BLOC1S2: variants seen among roughly 807,000 people sequenced by gnomAD.
BLOC1S2 encodes the protein biogenesis of lysosome-related organelles complex 1 subunit 2.
Under a neutral mutation model 19.6 loss-of-function variants are expected in BLOC1S2, and 12 were observed. The ratio of observed to expected loss-of-function variants is 0.61; its 90% CI spans 0.39 to 0.99. The LOEUF (loss-of-function observed/expected upper bound fraction) is 0.99. Among genes scored for constraint, BLOC1S2 ranks in the 50% least tolerant of loss-of-function variants. The pLI is 0.00. For missense variants in BLOC1S2, 142 were observed against 171.0 expected (o/e 0.83, Z 0.95); for synonymous variants, 66 against 64.1 (o/e 1.03, Z -0.14).
intron 2 of BLOC1S2, among the ~76,000 whole-genome samples, chr10:100,281,642 C>T (rs1222438924): frequency 6.7e-6 from 1 of 149,860 alleles, no homozygotes; most frequent in Non-Finnish European, 1.5e-5. Flanking sequence ...GAGATTGTGC[C>T]ACTGCATTCC....
At chr10:100,281,843 G>T (rs1589651525) in intron 2 of BLOC1S2, among the ~76,000 whole-genome samples, 1 of 151,590 alleles carries the variant, frequency 6.6e-6, no homozygotes. Context: ...CCATCTGTCT[G>T]CTTCTCATAT....
At chr10:100,281,271 C>A (rs1848094525) in intron 2 of BLOC1S2, among the ~76,000 whole-genome samples, 1 of 152,086 alleles carries the variant, frequency 6.6e-6, no homozygotes, top group South Asian at 2.1e-4. Flanking sequence ...CAAACAAGAT[C>A]CAGAAGGTTC....
intron 1 of BLOC1S2, 35 bp downstream of exon 1, chr10:100,286,570 C>G (rs775700817): frequency 1.2e-6 from 2 of 1,611,846 alleles, no homozygotes; most frequent in South Asian, 1.1e-5. Flanking sequence ...CCCAGGCCCC[C>G]CACCGGACGC....
chr10:100,279,648 G>T (rs1230504437), intron 4 of BLOC1S2, among the ~76,000 whole-genome samples: 6 of 152,154 alleles, frequency 3.9e-5, no homozygotes, highest in Non-Finnish European at 7.3e-5. Context: ...CCAGGCCGAG[G>T]TGGGCAGATC....
chr10:100,286,043 C>T, intron 2 of BLOC1S2, 54 bp downstream of exon 2: 1 of 1,598,752 alleles, frequency 6.3e-7, no homozygotes, highest in Non-Finnish European at 8.5e-7. Flanking sequence ...TGCTAACCAT[C>T]TCCCAGGCCT....
chr10:100,275,302 C>T lies in BLOC1S2; in HGVS notation c.*160G>A. The stretch of plus-strand genomic sequence containing the variant: ...GTCTCAAAGAAGGTTCAGGAATAGC[C>T]ACAGTCCTCCAGTTTACTCGAACGT... On this transcript the variant is annotated 3_prime_UTR_variant, in exon 5 of 5. Transcript: ENST00000370372. The T allele has an allele frequency of 1.5e-6, 1 of 654,534 alleles. No individual in the cohort carries two copies. The highest frequency in any genetic ancestry group is 2.6e-6 in the Non-Finnish European group (1 of 387,610). 40.5% of individuals were successfully genotyped at this position (654,534 alleles called of 1,614,324 possible).
At chr10:100,279,053 C>T (rs1169297792) in intron 4 of BLOC1S2, among the ~76,000 whole-genome samples, 2 of 151,878 alleles carry the variant, frequency 1.3e-5, no homozygotes, top group African/African-American at 4.8e-5. Flanking sequence ...CGTCATTGCA[C>T]CCTAGCCTGG....
In BLOC1S2 at chr10:100,274,621, T is replaced by C. The variant is rs1002314162; in HGVS notation, c.*841A>G. On this transcript the variant is annotated 3_prime_UTR_variant, in exon 5 of 5. Coordinates refer to ENST00000370372, the MANE Select transcript of BLOC1S2 (RefSeq NM_173809.5). ...TAGACTGGTCAGTCAGTATGTCCCA[T>C]TGTCTGATGTTTTTAGTGTGCAAAG... 6.5e-5 allele frequency: 13 copies of C among 200,446 alleles called. No individual in the cohort carries two copies. The highest frequency in any genetic ancestry group is 1.6e-4 in the African/African-American group (7 of 43,606). 12.4% of individuals were successfully genotyped at this position (200,446 alleles called of 1,614,324 possible).
At position 100,275,410 on chromosome 10, in the gene BLOC1S2, G is replaced by A; in HGVS notation, c.*52C>T. 1 of 1,523,228 alleles carries A rather than the reference G, an allele frequency of 6.6e-7. No individual in the cohort carries two copies. 94.4% of individuals were successfully genotyped at this position (1,523,228 alleles called of 1,614,324 possible). ...CAGCCTCAGGATTCAGGTTTTATAA[G>A]ACATTCTTCCACATTAAAAAAAAAA... is the stretch of plus-strand genomic sequence containing the variant. On this transcript the variant is annotated 3_prime_UTR_variant, in exon 5 of 5. Coordinates refer to ENST00000370372, the MANE Select transcript of BLOC1S2 (RefSeq NM_173809.5).
In BLOC1S2 at chr10:100,275,001, C is replaced by T. The variant is rs1847816862; in HGVS notation, c.*461G>A. The T allele has an allele frequency of 1.3e-5, 5 of 396,594 alleles. No individual in the cohort carries two copies. The highest frequency in any genetic ancestry group is 1.3e-4 in the South Asian group (1 of 7,822). 24.6% of individuals were successfully genotyped at this position (396,594 alleles called of 1,614,324 possible). A position where few individuals can be genotyped will look rare whatever the true frequency, so the allele number is the denominator to read the frequency against. On this transcript the variant is annotated 3_prime_UTR_variant, in exon 5 of 5. Transcript: ENST00000370372. ...TCACAAGGTGATAAGCTGCAAAGAA[C>T]AAGTTTGTTTTGTTTTCCTTTTTAA... is the stretch of plus-strand genomic sequence containing the variant.
chr10:100,280,150 T>A lies in BLOC1S2; in HGVS notation c.371A>T (p.Lys124Met). 1 of 1,613,818 alleles carries A rather than the reference T, an allele frequency of 6.2e-7. No homozygotes were observed. The highest frequency in any genetic ancestry group is 1.1e-5 in the South Asian group (1 of 91,044). The change falls in exon 4 of 5, where the codon AAG (lysine) becomes ATG (methionine). Residue 124 changes from lysine (K) to methionine (M), a missense_variant. By Grantham distance (95) the Lys-to-Met change is moderately conservative. Around this residue, in one of 2 missense-constraint regions of BLOC1S2, gnomAD observed 94 missense variants for 141.3 expected, o/e 0.67. Transcript: ENST00000370372. ...QVAALEQAAY[K>M]LDAYSKKLEA... ...CAGTTTTTTTGAATATGCATCCAACTTGTAAGCTGCCTGCTCAAGAGCTGC... is the reference window on the plus strand; with the variant it reads ...CAGTTTTTTTGAATATGCATCCAACATGTAAGCTGCCTGCTCAAGAGCTGC...
chr10:100,279,320 G>C (rs903276570), intron 4 of BLOC1S2, among the ~76,000 whole-genome samples: 6 of 152,290 alleles, frequency 3.9e-5, no homozygotes, highest in Admixed American at 3.9e-4. Context: ...ATAAGAACTT[G>C]AGCTTTGTAA....
At chr10:100,278,808 A>AT (rs1430953611) in intron 4 of BLOC1S2, among the ~76,000 whole-genome samples, 1 of 123,062 alleles carries the variant, frequency 8.1e-6, no homozygotes. Context: ...AGAATGATCA[A>AT]TAAAAAAAAA....
In BLOC1S2 at chr10:100,280,960, C is replaced by T; in HGVS notation, c.266G>A (p.Arg89Lys). The change falls in exon 3 of 5, where the codon AGG (arginine) becomes AAG (lysine). Residue 89 changes from arginine to lysine, a missense_variant. By Grantham distance (26) the Arg-to-Lys change is conservative. This residue lies in a region of BLOC1S2 where 94 missense variants were observed against 141.3 expected (regional missense o/e 0.67). Transcript: ENST00000370372. ...EMKDIAINIS[R>K]NLKDLNQKYA... The stretch of plus-strand genomic sequence containing the variant: ...TTTCTGGTTTAAGTCCTTTAAGTTC[C>T]TACTAATGTTTATAGCAATATCTTT... 1.2e-6 allele frequency: 2 copies of T among 1,612,344 alleles called. No homozygotes were observed. The highest frequency in any genetic ancestry group is 1.7e-6 in the Non-Finnish European group (2 of 1,179,510).
chr10:100,274,929 A>G lies in BLOC1S2; in HGVS notation c.*533T>C, dbSNP rs115662071. 2.8e-4 allele frequency: 113 copies of G among 398,666 alleles called. No homozygotes were observed. The highest frequency in any genetic ancestry group is 2.2e-3 in the African/African-American group (106 of 48,748). 24.7% of individuals were successfully genotyped at this position (398,666 alleles called of 1,614,324 possible). On this transcript the variant is annotated 3_prime_UTR_variant, in exon 5 of 5. Coordinates refer to ENST00000370372, the MANE Select transcript of BLOC1S2 (RefSeq NM_173809.5). The stretch of plus-strand genomic sequence containing the variant: ...GAAGACTCAGCTTGGAATTATTTTA[A>G]GATTTTATGTTATTTGCAATATTAT...
intron 4 of BLOC1S2, among the ~76,000 whole-genome samples, chr10:100,279,092 G>C (rs528661425): frequency 7.0e-6 from 1 of 143,194 alleles, no homozygotes; most frequent in Admixed American, 7.0e-5. Flanking sequence ...ATCTCTTATA[G>C]AAAAAAAAAA....
chr10:100,279,980 TTAATA>T (rs1479025426), intron 4 of BLOC1S2, 139 bp downstream of exon 4: 13 of 443,876 alleles, frequency 2.9e-5, no homozygotes, highest in Non-Finnish European at 4.3e-5. Context: ...GTTATTTTTA[TTAATA>T]TAATAATAAA....
intron 3 of BLOC1S2, among the ~76,000 whole-genome samples, chr10:100,280,431 GTGT>G (rs1246579156): frequency 6.6e-6 from 1 of 152,162 alleles, no homozygotes; most frequent in Non-Finnish European, 1.5e-5. Context: ...CCCAGACTTA[GTGT>G]CTCTCATCTA....
chr10:100,275,753 C>T (rs1847833008), intron 4 of BLOC1S2, among the ~76,000 whole-genome samples: 1 of 152,146 alleles, frequency 6.6e-6, no homozygotes, highest in Non-Finnish European at 1.5e-5. Context: ...ACTTAGACAG[C>T]TCCACCAGGA....
Sources: gnomAD v4.1 joint callset for allele counts (sites outside exome capture counted in the v4.1 genomes callset) on GRCh38, gnomAD v4.1.1 for gene constraint, gnomAD v4.1.1 regional missense constraint, MANE v1.5 for transcripts, NCBI Gene and HGNC (gene_info 2026-07-23, HGNC 2026-07-21) for gene names.